NTM: variants seen among roughly 807,000 people sequenced by gnomAD.
NTM encodes IgLON family member 2.
Under a neutral mutation model 42.1 loss-of-function variants are expected in NTM, and 13 were observed. The ratio of observed to expected loss-of-function variants is 0.31; its 90% CI spans 0.20 to 0.49. The LOEUF is 0.49. Among genes scored for constraint, NTM ranks in the 20% least tolerant of loss-of-function variants. The pLI is 0.99. For missense variants in NTM, 373 were observed against 452.8 expected (o/e 0.82, Z 1.60); for synonymous variants, 187 against 179.2 (o/e 1.04, Z -0.35).
At chr11:132,333,896 C>T (rs1367780860) in intron 8 of NTM, among the ~76,000 whole-genome samples, 1 of 152,184 alleles carries the variant, frequency 6.6e-6, no homozygotes, top group South Asian at 2.1e-4. Context: ...AATTGAGAAG[C>T]CTGTTTTGAT....
chr11:132,305,507 A>G (rs527546196), intron 4 of NTM, among the ~76,000 whole-genome samples: 53 of 152,342 alleles, frequency 3.5e-4, no homozygotes, highest in East Asian at 3.9e-4. Context: ...TAATTAAAAT[A>G]TGACACCAAT....
chr11:132,255,588 A>G (rs1044187197), intron 4 of NTM, among the ~76,000 whole-genome samples: 1 of 152,220 alleles, frequency 6.6e-6, no homozygotes. Context: ...CCAGTCAGAG[A>G]AGGGGGTGCG....
intron 3 of NTM, among the ~76,000 whole-genome samples, chr11:132,204,410 A>G (rs912367990): frequency 6.6e-6 from 1 of 152,160 alleles, no homozygotes; most frequent in African/African-American, 2.4e-5. Flanking sequence ...TGTGATGACC[A>G]TTTTCAATGA....
rs145550882 is a variant in NTM, at chr11:132,229,948, G to A, written c.526+17801G>A. On this transcript the variant is annotated intron_variant, in intron 4 of 8. Transcript: ENST00000683400. ...TATCTATTGCCATATAGGCAAGAGA[G>A]CAGCAACCTTCCTTCCATGGCAACT... Among the ~76,000 whole-genome samples, 627 of 152,344 alleles carry A rather than the reference G, an allele frequency of 4.1e-3. 5 individuals carry two copies. The highest frequency in any genetic ancestry group is 6.4e-3 in the Non-Finnish European group (435 of 68,030).
intron 2 of NTM, among the ~76,000 whole-genome samples, chr11:132,103,582 G>T (rs2061894685): frequency 6.6e-6 from 1 of 152,086 alleles, no homozygotes. Context: ...ATATGGCTGG[G>T]GCAGGTGACA....
chr11:131,585,469 C>T (rs539798266), intron 1 of NTM, among the ~76,000 whole-genome samples: 1 of 152,240 alleles, frequency 6.6e-6, no homozygotes, highest in South Asian at 2.1e-4. Context: ...AGGGGACCCC[C>T]CAGCAGGACT....
chr11:131,793,842 C>A (rs1487302553), intron 1 of NTM, among the ~76,000 whole-genome samples: 1 of 152,190 alleles, frequency 6.6e-6, no homozygotes, highest in Non-Finnish European at 1.5e-5. Flanking sequence ...GCCAGCTCTA[C>A]CTTCCAGCTG....
intron 6 of NTM, among the ~76,000 whole-genome samples, chr11:132,313,988 G>GAAAATGATGATTTTTCTCCTCTTC (rs2095354561): frequency 1.3e-5 from 2 of 152,136 alleles, no homozygotes; most frequent in Non-Finnish European, 2.9e-5. Context: ...AGAAAAATGA[G>GAAAATGATGATTTTTCTCCTCTTC]AAAATGATGA....
chr11:131,374,516 T>C (rs1362826568), intron 1 of NTM, among the ~76,000 whole-genome samples: 1 of 152,188 alleles, frequency 6.6e-6, no homozygotes, highest in Non-Finnish European at 1.5e-5. Flanking sequence ...AGTCCCTGAC[T>C]TCTGTTCTTT....
chr11:132,111,242 G>A (rs144545850), intron 2 of NTM, among the ~76,000 whole-genome samples: 7 of 150,976 alleles, frequency 4.6e-5, no homozygotes, highest in African/African-American at 9.7e-5. Context: ...GTGTGTGTAC[G>A]TTTGTGTTGT....
chr11:132,040,390 G>C (rs2077030703), intron 2 of NTM, among the ~76,000 whole-genome samples: 1 of 152,234 alleles, frequency 6.6e-6, no homozygotes, highest in South Asian at 2.1e-4. Flanking sequence ...AGGATTCTAA[G>C]ACACCATTGA....
At chr11:131,549,770 T>G (rs1415172500) in intron 1 of NTM, among the ~76,000 whole-genome samples, 1 of 152,204 alleles carries the variant, frequency 6.6e-6, no homozygotes, top group African/African-American at 2.4e-5. Context: ...TTAAAAGATC[T>G]TCATTAGTGG....
chr11:131,642,813 C>T (rs1054609132), intron 1 of NTM, among the ~76,000 whole-genome samples: 2 of 152,078 alleles, frequency 1.3e-5, no homozygotes, highest in Non-Finnish European at 2.9e-5. Context: ...TGCTTTTTCT[C>T]ATCTATCCAA....
chr11:131,601,779 A>G (rs1263148508), intron 1 of NTM, among the ~76,000 whole-genome samples: 1 of 152,038 alleles, frequency 6.6e-6, no homozygotes, highest in African/African-American at 2.4e-5. Context: ...CCTCATTTTT[A>G]CTCCTGTTTA....
At chr11:131,910,464 G>A (rs917827323) in intron 1 of NTM, among the ~76,000 whole-genome samples, 35 of 151,196 alleles carry the variant, frequency 2.3e-4, no homozygotes, top group African/African-American at 6.8e-4. Flanking sequence ...GTGGGCGCCC[G>A]CGCCCCGCGC....
chr11:131,792,179 A>G (rs532227213), intron 1 of NTM, among the ~76,000 whole-genome samples: 60 of 152,308 alleles, frequency 3.9e-4, no homozygotes, highest in African/African-American at 1.4e-3. Context: ...AAAAATAAAA[A>G]CAGTCATGTA....
At chr11:131,872,133 T>C (rs185325539) in intron 1 of NTM, among the ~76,000 whole-genome samples, 1 of 152,234 alleles carries the variant, frequency 6.6e-6, no homozygotes, top group Non-Finnish European at 1.5e-5. Flanking sequence ...TCCACCAAAT[T>C]CCAGCCACCC....
intron 1 of NTM, among the ~76,000 whole-genome samples, chr11:131,777,748 TTTACA>T (rs1428173543): frequency 1.3e-5 from 2 of 152,140 alleles, no homozygotes; most frequent in Non-Finnish European, 2.9e-5. Flanking sequence ...TTTAAAAACT[TTTACA>T]TTACATTAGT....
intron 1 of NTM, among the ~76,000 whole-genome samples, chr11:131,789,622 G>GAAGAAGAAGAAGAA (rs1565552829): frequency 1.2e-5 from 1 of 85,612 alleles, no homozygotes; most frequent in Admixed American, 1.3e-4. Context: ...AGAAGAAGAA[G>GAAGAAGAAGAAGAA]AAGAAGAAGA....
Sources: gnomAD v4.1 joint callset for allele counts (sites outside exome capture counted in the v4.1 genomes callset) on GRCh38, gnomAD v4.1.1 for gene constraint, MANE v1.5 for transcripts, NCBI Gene and HGNC (gene_info 2026-07-23, HGNC 2026-07-21) for gene names.